UBXN6: variants seen among roughly 807,000 people sequenced by gnomAD.
UBXN6 encodes the protein UBX domain-containing protein 6.
Under a neutral mutation model 51.4 loss-of-function variants are expected in UBXN6, and 44 were observed. The observed-to-expected ratio is 0.86, with a 90% CI of 0.67 to 1.10. UBXN6 has a LOEUF of 1.10. Among genes scored for constraint, UBXN6 ranks in the 50% least tolerant of loss-of-function variants. UBXN6 has a pLI of 0.00. For synonymous variants in UBXN6, 316 were observed against 263.2 expected (o/e 1.20, Z -1.94); for missense variants, 672 against 596.1 (o/e 1.13, Z -1.32).
At chr19:4,447,794 C>G (rs1437580228) in intron 5 of UBXN6, 169 bp from the exon 6 acceptor site, 1 of 659,532 alleles carries the variant, frequency 1.5e-6, no homozygotes, top group African/African-American at 1.8e-5. Context: ...GGAAGGCACA[C>G]CTCGGACACC....
Position 4,445,424 on chromosome 19 carries a change from C to T in UBXN6, c.*74G>A. The T allele has an allele frequency of 6.3e-7, 1 of 1,597,312 alleles. No individual in the cohort carries two copies. The highest frequency in any genetic ancestry group is 1.7e-4 in the Middle Eastern group (1 of 5,944). ...GTATTTCCAGAGGTGGCTTGGAGGC[C>T]CTGGGGTGGCGGGGAGAGGAACAGG... On this transcript the variant is annotated 3_prime_UTR_variant, in exon 11 of 11. Coordinates refer to ENST00000301281, the MANE Select transcript of UBXN6 (RefSeq NM_025241.3).
intron 6 of UBXN6, chr19:4,447,285 T>A (rs923008930): frequency 2.3e-5 from 13 of 572,740 alleles, no homozygotes; most frequent in Non-Finnish European, 3.8e-5. Flanking sequence ...AGTCGACATG[T>A]TCCCAAACAA....
At chr19:4,446,449 G>A in intron 8 of UBXN6, 36 bp from the exon 9 acceptor site, 3 of 1,581,474 alleles carry the variant, frequency 1.9e-6, no homozygotes, top group African/African-American at 1.3e-5. Flanking sequence ...GGCTGGCCGG[G>A]GTTCTTCCAC....
intron 1 of UBXN6, among the ~76,000 whole-genome samples, chr19:4,456,235 G>A (rs1974737982): frequency 6.8e-6 from 1 of 146,514 alleles, no homozygotes; most frequent in African/African-American, 2.5e-5. Context: ...CCCACTATTG[G>A]TTGAATCAAT....
intron 1 of UBXN6, chr19:4,455,084 C>T (rs1974721427): frequency 4.8e-6 from 2 of 413,160 alleles, no homozygotes; most frequent in Admixed American, 6.4e-5. Flanking sequence ...CCTGTTGAGC[C>T]CTACACCAAG....
At position 4,445,076 on chromosome 19, in the gene UBXN6, A is replaced by G. The variant is rs2705; in HGVS notation, c.*422T>C. 0.54 allele frequency: 98,199 copies of G among 182,328 alleles called. 27,252 individuals carry two copies. The highest frequency in any genetic ancestry group is 0.72 in the Admixed American group (12,780 of 17,864). 11.3% of individuals were successfully genotyped at this position (182,328 alleles called of 1,614,324 possible). ...CAGGTCTATGTGCAGGAAGGCCAGC[A>G]TCCCCTCCTGCCGTTGTCACCCACA... On this transcript the variant is annotated 3_prime_UTR_variant, in exon 11 of 11. Transcript: ENST00000301281.
intron 6 of UBXN6, 199 bp downstream of exon 6, chr19:4,447,351 T>C (rs1599674676): frequency 6.6e-6 from 4 of 604,638 alleles, no homozygotes; most frequent in Middle Eastern, 4.4e-4. Flanking sequence ...ATTTGTTGAT[T>C]TGGGGTGACC....
intron 4 of UBXN6, among the ~76,000 whole-genome samples, chr19:4,451,870 C>G (rs1196773825): frequency 6.6e-6 from 1 of 152,024 alleles, no homozygotes; most frequent in African/African-American, 2.4e-5. Context: ...AACAACCAGG[C>G]CACGCGTGGT....
Position 4,446,103 on chromosome 19 carries a change from C to G in UBXN6, c.1146G>C (p.Ser382=). The G allele has an allele frequency of 1.2e-6, 2 of 1,612,770 alleles. No homozygotes were observed. Among genetic ancestry groups the G allele is most frequent in the Non-Finnish European group, 1.7e-6 (2 of 1,179,906 alleles). ...SDWLPFELLA[S]GGQKLSEDEN... ...CGTCCTCGGACAGCTTCTGCCCTCC[C>G]GAGGCCAGCAGCTCAAAAGGCAGCC... Residue 382 remains serine, a synonymous_variant, in exon 10 of 11, where the codon TCG becomes TCC. Transcript: ENST00000301281.
At chr19:4,448,295 G>C (rs1481291057) in intron 5 of UBXN6, 23 bp downstream of exon 5, 1 of 1,583,210 alleles carries the variant, frequency 6.3e-7, no homozygotes, top group South Asian at 1.1e-5. Flanking sequence ...GGGCCAGGCA[G>C]GGCAAAGGGG....
At chr19:4,451,302 C>T (rs917048026) in intron 4 of UBXN6, among the ~76,000 whole-genome samples, 2 of 152,140 alleles carry the variant, frequency 1.3e-5, no homozygotes, top group Non-Finnish European at 2.9e-5. Flanking sequence ...AGGTGATCCA[C>T]CTGCCTCAGC....
chr19:4,457,814 A>C, upstream of UBXN6: 1 of 594,980 alleles, frequency 1.7e-6, no homozygotes, highest in African/African-American at 2.0e-5. Context: ...AAAAAAAAAA[A>C]AAAAAAAAAT....
chr19:4,446,568 C>A lies in UBXN6; in HGVS notation c.852G>T (p.Ser284=). 6.2e-7 allele frequency: 1 copy of A among 1,612,506 alleles called. No individual in the cohort carries two copies. Among genetic ancestry groups the A allele is most frequent in the Non-Finnish European group, 8.5e-7 (1 of 1,179,908 alleles). ...RRVFQPSPLA[S]QFELPGDFFN... Reference sequence around the variant, plus strand: ...AGAAGTCCCCAGGCAGTTCGAACTGCGAGGCCAGGGGCGAGGGCTGGAAGA... The same window carrying A: ...AGAAGTCCCCAGGCAGTTCGAACTGAGAGGCCAGGGGCGAGGGCTGGAAGA... The change falls in exon 8 of 11, where the codon TCG becomes TCT. Residue 284 remains serine (S), a synonymous_variant. Transcript: ENST00000301281.
At chr19:4,454,361 G>A (rs1425418123) in intron 1 of UBXN6, among the ~76,000 whole-genome samples, 2 of 152,296 alleles carry the variant, frequency 1.3e-5, no homozygotes, top group South Asian at 2.1e-4. Context: ...GGCCCTCAGC[G>A]TCCTCATCTG....
At chr19:4,449,031 G>A (rs1396463587) in intron 4 of UBXN6, 1 of 155,350 alleles carries the variant, frequency 6.4e-6, no homozygotes, top group Non-Finnish European at 1.4e-5. Context: ...CCGGGGGAGG[G>A]GAGAAGTCAT....
chr19:4,447,211 C>T lies in UBXN6; in HGVS notation c.616-291G>A, dbSNP rs563318125. On this transcript the variant is annotated intron_variant, in intron 6 of 10. Transcript: ENST00000301281. ...GATGCGAGGCTAACACCGCCCAGGA[C>T]CCCAGTCCCTGCCCTTTCCCCCAGA... 93 of 578,908 alleles carry T rather than the reference C, an allele frequency of 1.6e-4. No individual in the cohort carries two copies. The African/African-American group carries it at 1.6e-3, about 10-fold the overall frequency. 35.9% of individuals were successfully genotyped at this position (578,908 alleles called of 1,614,324 possible). A position where few individuals can be genotyped will look rare whatever the true frequency, so the allele number is the denominator to read the frequency against.
chr19:4,448,466 G>A (rs376520962), intron 4 of UBXN6, 51 bp from the exon 5 acceptor site: 33 of 1,460,092 alleles, frequency 2.3e-5, no homozygotes, highest in South Asian at 1.1e-4. Context: ...CGGGCCGCAC[G>A]GCCCTCCGCT....
chr19:4,456,823 T>A (rs1974745877), intron 1 of UBXN6, among the ~76,000 whole-genome samples: 1 of 152,048 alleles, frequency 6.6e-6, no homozygotes, highest in African/African-American at 2.4e-5. Context: ...GTCTCACCCG[T>A]CTTCTCCTCT....
chr19:4,445,844 G>T, intron 10 of UBXN6: 1 of 1,048,696 alleles, frequency 9.5e-7, no homozygotes. Context: ...GCTCCCATTT[G>T]ATGGGGAAAC....
Sources: gnomAD v4.1 joint callset for allele counts (sites outside exome capture counted in the v4.1 genomes callset) on GRCh38, gnomAD v4.1.1 for gene constraint, MANE v1.5 for transcripts, NCBI Gene and HGNC (gene_info 2026-07-23, HGNC 2026-07-21) for gene names.